OSGEPL1: variants seen among roughly 807,000 people sequenced by gnomAD.
OSGEPL1 encodes the protein O-sialoglycoprotein endopeptidase like 1.
A neutral mutation model predicts 37.2 loss-of-function variants in OSGEPL1; 26 were observed. The observed-to-expected ratio is 0.70, with a 90% CI of 0.51 to 0.97. The LOEUF is 0.97. Ranked by LOEUF, OSGEPL1 falls within the 50% of genes least tolerant of loss-of-function variation. The pLI is 0.00. For missense variants in OSGEPL1, 404 were observed against 487.0 expected, an observed-to-expected ratio of 0.83 and a Z score of 1.60; for synonymous variants, 140 against 159.9, an observed-to-expected ratio of 0.88 and a Z score of 0.94.
At position 189,747,032 on chromosome 2, in the gene OSGEPL1, T is replaced by G. The variant is rs1489437312; in HGVS notation, c.*165A>C. The G allele has an allele frequency of 6.5e-6, 1 of 154,790 alleles. No homozygotes were observed. Among genetic ancestry groups the G allele is most frequent in the African/African-American group, 2.4e-5 (1 of 41,440 alleles). 9.6% of individuals were successfully genotyped at this position (154,790 alleles called of 1,614,324 possible). On this transcript the variant is annotated 3_prime_UTR_variant, in exon 9 of 9. Coordinates refer to ENST00000264151, the MANE Select transcript of OSGEPL1 (RefSeq NM_022353.3). ...TGTATAAGTCTTCTAAGACCCAAAA[T>G]GTATACCTTAAGAAACATTTTGGCT...
intron 8 of OSGEPL1, among the ~76,000 whole-genome samples, chr2:189,749,847 C>T (rs2044842417): frequency 6.6e-6 from 1 of 152,168 alleles, no homozygotes; most frequent in Non-Finnish European, 1.5e-5. Flanking sequence ...TCTAAAATTG[C>T]TCTCTTGAGC....
intron 2 of OSGEPL1, among the ~76,000 whole-genome samples, chr2:189,760,116 T>G (rs1159839243): frequency 1.3e-5 from 2 of 152,244 alleles, no homozygotes; most frequent in African/African-American, 4.8e-5. Flanking sequence ...AGAAGGATTT[T>G]TCTTAGTATA....
intron 7 of OSGEPL1, among the ~76,000 whole-genome samples, chr2:189,752,112 C>T (rs140395842): frequency 7.5e-4 from 114 of 151,586 alleles, no homozygotes; most frequent in African/African-American, 2.8e-3. Flanking sequence ...CCACTGCACT[C>T]TAGCCTGGGT....
chr2:189,748,633 G>A (rs2044559881), intron 8 of OSGEPL1, among the ~76,000 whole-genome samples: 2 of 152,338 alleles, frequency 1.3e-5, no homozygotes, highest in African/African-American at 4.8e-5. Flanking sequence ...AGGAAATGCG[G>A]AGGGAAATGG....
intron 7 of OSGEPL1, among the ~76,000 whole-genome samples, chr2:189,751,460 T>TC (rs2045209627): frequency 2.7e-5 from 4 of 150,882 alleles, no homozygotes; most frequent in Non-Finnish European, 1.5e-5. Flanking sequence ...TTTTTTTTTT[T>TC]TTGAGATGGA....
chr2:189,755,186 T>C lies in OSGEPL1; in HGVS notation c.596A>G (p.Asp199Gly), dbSNP rs547700126. Reference protein sequence around the residue: ...LGKSLDIAPGDMLDKVARRLS... With the variant: ...LGKSLDIAPGGMLDKVARRLS... The stretch of plus-strand genomic sequence containing the variant: ...ATTCTTAATTACCTTGTCAAGCATG[T>C]CACCTGGTGCTATGTCCAAAGACTT... The change falls in exon 3 of 9, where the codon GAC becomes GGC. Residue 199 changes from aspartate (D) to glycine (G), a missense_variant. Physicochemically the swap from Asp to Gly is moderately conservative, Grantham distance 94. Transcript: ENST00000264151. 1.2e-5 allele frequency: 20 copies of C among 1,603,886 alleles called. No individual in the cohort carries two copies. In the South Asian group the frequency reaches 2.1e-4, roughly 17 times the overall value.
In OSGEPL1 at chr2:189,761,496, T is replaced by G. The variant is rs761016322; in HGVS notation, c.145A>C (p.Thr49Pro). 31 of 1,613,276 alleles carry G rather than the reference T, an allele frequency of 1.9e-5. No homozygotes were observed. In the Admixed American group the frequency reaches 4.0e-4, roughly 21 times the overall value. The change falls in exon 2 of 9, where the codon ACA becomes CCA. Residue 49 changes from threonine to proline, a missense_variant. Transcript: ENST00000264151. ...VLGIETSCDD[T>P]AAAVVDETGN... ...GTTTCATCCACCACAGCAGCTGCTG[T>G]ATCATCACAACTAGTTTCAATTCCC...
Position 189,760,792 on chromosome 2 carries a change from C to CA in OSGEPL1, c.221+627dup, listed in dbSNP as rs574060051. ...GTGACAGAGTGAGACTCTGTCTCAC[C>CA]AAAAAAAAAGAAAAAAAAAATCTGG... On this transcript the variant is annotated intron_variant, in intron 2 of 8. Transcript: ENST00000264151. Among the ~76,000 whole-genome samples, 240 of 142,884 alleles carry CA rather than the reference C, an allele frequency of 1.7e-3. 6 individuals carry two copies. The South Asian group carries it at 0.043, about 26-fold the overall frequency. 93.7% of individuals were successfully genotyped at this position (142,884 alleles called of 152,430 possible).
At position 189,755,537 on chromosome 2, in the gene OSGEPL1, G is replaced by T; in HGVS notation, c.245C>A (p.Ala82Glu). 6.3e-7 allele frequency: 1 copy of T among 1,599,420 alleles called. No homozygotes were observed. Among genetic ancestry groups the T allele is most frequent in the Non-Finnish European group, 8.5e-7 (1 of 1,176,322 alleles). ...HLKTGGIVPP[A>E]AQQLHRENIQ... Reference sequence around the variant, plus strand: ...ATTTTCTCTGTGAAGCTGTTGAGCTGCTGGAGGAACAATCCCACCTGTTCT... The same window carrying T: ...ATTTTCTCTGTGAAGCTGTTGAGCTTCTGGAGGAACAATCCCACCTGTTCT... Residue 82 changes from alanine to glutamate, a missense_variant, in exon 3 of 9, where the codon GCA (alanine) becomes GAA (glutamate). By Grantham distance (107) the Ala-to-Glu change is moderately radical. Transcript: ENST00000264151.
chr2:189,760,958 C>G (rs1418426381), intron 2 of OSGEPL1: 1 of 152,452 alleles, frequency 6.6e-6, no homozygotes, highest in African/African-American at 2.4e-5. Context: ...GGTAACCTGC[C>G]TGGTAGTCCT....
Position 189,746,679 on chromosome 2 carries a change from T to A in OSGEPL1, c.*518A>T. The stretch of plus-strand genomic sequence containing the variant: ...CTGAGCCATCTTTTAAAAATTTTTT[T>A]ATTTTTAATAATGGTAATATGCAAA... On this transcript the variant is annotated 3_prime_UTR_variant, in exon 9 of 9. Coordinates refer to ENST00000264151, the MANE Select transcript of OSGEPL1 (RefSeq NM_022353.3). 1 of 1,497,364 alleles carries A rather than the reference T, an allele frequency of 6.7e-7. No individual in the cohort carries two copies. Among genetic ancestry groups the A allele is most frequent in the African/African-American group, 1.4e-5 (1 of 70,196 alleles). The allele number at this position is 1,497,364 out of a possible 1,614,324, so 92.8% of individuals were successfully genotyped here.
intron 3 of OSGEPL1, 117 bp from the exon 4 acceptor site, chr2:189,754,462 A>G (rs529784797): frequency 2.1e-6 from 2 of 970,408 alleles, no homozygotes; most frequent in African/African-American, 1.7e-5. Flanking sequence ...TGAATAAAAC[A>G]TGCTATACTT....
intron 8 of OSGEPL1, among the ~76,000 whole-genome samples, chr2:189,750,178 G>A (rs957667820): frequency 6.6e-6 from 1 of 152,012 alleles, no homozygotes; most frequent in Non-Finnish European, 1.5e-5. Flanking sequence ...TATAAAGTCA[G>A]GTTCTTGTTT....
chr2:189,754,631 C>T (rs1448750602), intron 3 of OSGEPL1: 15 of 357,414 alleles, frequency 4.2e-5, no homozygotes, highest in South Asian at 1.4e-4. Context: ...TAATGATGAA[C>T]GTCAATAATA....
Position 189,750,553 on chromosome 2 carries a change from T to C in OSGEPL1, c.*25A>G. 2 of 1,315,772 alleles carry C rather than the reference T, an allele frequency of 1.5e-6. No homozygotes were observed. Among genetic ancestry groups the C allele is most frequent in the Non-Finnish European group, 2.2e-6 (2 of 928,722 alleles). The allele number at this position is 1,315,772 out of a possible 1,614,324, so 81.5% of individuals were successfully genotyped here. On this transcript the variant is annotated 3_prime_UTR_variant, in exon 8 of 9. Transcript: ENST00000264151. ...TTAATTTTAACCTTAATACTACCTT[T>C]AGGGACTTTTTTGAACAGCAGAAAT... is the stretch of plus-strand genomic sequence containing the variant.
At chr2:189,756,379 A>C (rs1410729303) in intron 2 of OSGEPL1, among the ~76,000 whole-genome samples, 2 of 152,212 alleles carry the variant, frequency 1.3e-5, no homozygotes, top group African/African-American at 4.8e-5. Flanking sequence ...GGAGCAATAA[A>C]ATAGAGTCTG....
At chr2:189,762,864 G>A (rs2047333194), upstream of OSGEPL1, 2 of 985,336 alleles carry the variant, frequency 2.0e-6, no homozygotes, top group East Asian at 2.3e-4. Flanking sequence ...GCTTAGTGAA[G>A]AAAAGCTTAA....
intron 2 of OSGEPL1, among the ~76,000 whole-genome samples, chr2:189,756,072 G>C (rs2046033824): frequency 6.6e-6 from 1 of 152,184 alleles, no homozygotes; most frequent in Admixed American, 6.5e-5. Flanking sequence ...AGTTTGTTCA[G>C]CTATTCAGCT....
intron 2 of OSGEPL1, among the ~76,000 whole-genome samples, chr2:189,760,298 G>A (rs1169436626): frequency 3.3e-5 from 5 of 152,112 alleles, no homozygotes; most frequent in Admixed American, 1.3e-4. Flanking sequence ...GGTGGCAGCC[G>A]GGCAGAGGGG....
Sources: gnomAD v4.1 joint callset for allele counts (sites outside exome capture counted in the v4.1 genomes callset) on GRCh38, gnomAD v4.1.1 for gene constraint, MANE v1.5 for transcripts, NCBI Gene and HGNC (gene_info 2026-07-23, HGNC 2026-07-21) for gene names.